The following TANC1 variants were observed in gnomAD, a reference collection of about 807,000 sequenced individuals.
The protein encoded by TANC1 is tetratricopeptide repeat, ankyrin repeat and coiled-coil containing 1.
In TANC1, 77 loss-of-function variants were observed where a neutral mutation model predicts 149.7. The observed-to-expected ratio is 0.51, with a 90% CI of 0.43 to 0.62. The LOEUF is 0.62. Ranked by LOEUF, TANC1 falls within the 20% of genes least tolerant of loss-of-function variation. The pLI, the probability that TANC1 is intolerant of heterozygous loss-of-function variation, is 0.00. For synonymous variants in TANC1, 854 were observed against 925.0 expected (o/e 0.92, Z 1.39); for missense variants, 1,985 against 2,321.8 (o/e 0.85, Z 2.98).
rs1185378455 is a variant in TANC1, at chr2:159,227,971, C to T, written c.4050+6C>T. ...GATGCCGAAGAAAAACAAATGTAAG[C>T]TGTGCCCCTTTATTCCAACCCAGTC... On this transcript the variant is annotated splice_donor_region_variant and intron_variant, in intron 25 of 26. Coordinates refer to ENST00000263635, the MANE Select transcript of TANC1 (RefSeq NM_033394.3). The T allele has an allele frequency of 6.8e-6, 11 of 1,610,802 alleles. No individual in the cohort carries two copies. Among genetic ancestry groups the T allele is most frequent in the Non-Finnish European group, 7.6e-6 (9 of 1,179,166 alleles).
chr2:159,229,986 G>T lies in TANC1; in HGVS notation c.4560G>T (p.Gln1520His). The T allele has an allele frequency of 1.9e-6, 3 of 1,614,070 alleles. No homozygotes were observed. The highest frequency in any genetic ancestry group is 2.5e-6 in the Non-Finnish European group (3 of 1,180,046). ...IGKSLREPVA[Q>H]PGLLLQPSKQ... is the part of the protein sequence containing the mutation. The stretch of plus-strand genomic sequence containing the variant: ...AGTCCCTGAGAGAGCCTGTGGCCCA[G>T]CCAGGGCTGCTCCTGCAGCCCTCCA... Residue 1520 changes from glutamine to histidine, a missense_variant, in exon 27 of 27, where the codon CAG (glutamine) becomes CAT (histidine). By Grantham distance (24) the Gln-to-His change is conservative. Around this residue, in one of 3 missense-constraint regions of TANC1, gnomAD observed 920 missense variants for 994.7 expected, o/e 0.92. Coordinates refer to ENST00000263635, the MANE Select transcript of TANC1 (RefSeq NM_033394.3).
chr2:159,118,695 G>A (rs1208799497), intron 4 of TANC1, among the ~76,000 whole-genome samples: 1 of 152,178 alleles, frequency 6.6e-6, no homozygotes, highest in African/African-American at 2.4e-5. Flanking sequence ...AAGGACACAA[G>A]CAAATGTAGC....
chr2:159,145,654 T>A (rs1450282660), intron 5 of TANC1, among the ~76,000 whole-genome samples: 1 of 152,176 alleles, frequency 6.6e-6, no homozygotes, highest in Non-Finnish European at 1.5e-5. Context: ...TGTGCCCCCA[T>A]ATGTGGTCCA....
At chr2:158,984,548 A>C (rs2034791003) in intron 1 of TANC1, among the ~76,000 whole-genome samples, 1 of 152,144 alleles carries the variant, frequency 6.6e-6, no homozygotes, top group South Asian at 2.1e-4. Context: ...TCATTTTTCC[A>C]AAAAATGTTT....
At chr2:159,130,217 A>G (rs1016058345) in intron 4 of TANC1, among the ~76,000 whole-genome samples, 2 of 152,246 alleles carry the variant, frequency 1.3e-5, no homozygotes, top group Admixed American at 6.5e-5. Context: ...GCGTTAAAAC[A>G]TACCCAGTAG....
intron 16 of TANC1, among the ~76,000 whole-genome samples, chr2:159,192,850 C>G (rs957835571): frequency 6.6e-5 from 10 of 152,102 alleles, no homozygotes; most frequent in African/African-American, 2.2e-4. Flanking sequence ...GGTTTTCACC[C>G]TGTTCTTCAG....
At chr2:159,070,885 T>C (rs1287606292) in intron 3 of TANC1, among the ~76,000 whole-genome samples, 2 of 152,226 alleles carry the variant, frequency 1.3e-5, no homozygotes, top group Non-Finnish European at 2.9e-5. Flanking sequence ...TACTACCACA[T>C]AGCGAGTAAA....
rs138006157 is a variant in TANC1 at position 159,107,018 on chromosome 2, T to TTTTG, written c.259+9204_259+9207dup. Among the ~76,000 whole-genome samples, 14 of 152,028 alleles carry TTTTG rather than the reference T, an allele frequency of 9.2e-5. No homozygotes were observed. The East Asian group carries it at 1.2e-3, about 13-fold the overall frequency. On this transcript the variant is annotated intron_variant, in intron 4 of 26. Transcript: ENST00000263635. ...TGATTTTATTGGTGGCTTTTTTGTT[T>TTTTG]TTTGTTTGTTTGTTTGTTTGTTTTT...
intron 10 of TANC1, 26 bp from the exon 11 acceptor site, chr2:159,172,095 A>T (rs367808181): frequency 6.3e-5 from 102 of 1,610,112 alleles, no homozygotes; most frequent in Non-Finnish European, 8.6e-5. Context: ...TGTGATGTAC[A>T]TAATGAAATG....
chr2:159,082,647 G>A (rs1173059512), intron 3 of TANC1, among the ~76,000 whole-genome samples: 2 of 152,194 alleles, frequency 1.3e-5, no homozygotes, highest in Admixed American at 6.5e-5. Flanking sequence ...GCAGAGTGCT[G>A]TAGGGACCGT....
chr2:159,104,652 G>A (rs1323262597), intron 4 of TANC1, among the ~76,000 whole-genome samples: 1 of 93,418 alleles, frequency 1.1e-5, no homozygotes, highest in Non-Finnish European at 2.9e-5. Flanking sequence ...GGGCTCAAGC[G>A]ATCCTTCCAC....
At chr2:159,192,559 A>T (rs1244358813) in intron 16 of TANC1, among the ~76,000 whole-genome samples, 1 of 152,238 alleles carries the variant, frequency 6.6e-6, no homozygotes, top group African/African-American at 2.4e-5. Flanking sequence ...TCAACGAGGA[A>T]CTTATTAAAA....
intron 4 of TANC1, among the ~76,000 whole-genome samples, chr2:159,105,843 T>G (rs535362734): frequency 6.6e-6 from 1 of 152,360 alleles, no homozygotes; most frequent in East Asian, 1.9e-4. Context: ...ATATTCTTAA[T>G]GGCCATTGGT....
At chr2:158,980,909 A>G (rs2034235220) in intron 1 of TANC1, among the ~76,000 whole-genome samples, 1 of 152,114 alleles carries the variant, frequency 6.6e-6, no homozygotes, top group South Asian at 2.1e-4. Context: ...TTTTAAATGT[A>G]GAAAAATAAT....
intron 2 of TANC1, 45 bp from the exon 3 acceptor site, chr2:159,065,851 C>G: frequency 6.6e-7 from 1 of 1,517,988 alleles, no homozygotes. Context: ...TATATTCCAA[C>G]TTTCAATGTT....
At chr2:159,126,026 C>A (rs959181830) in intron 4 of TANC1, among the ~76,000 whole-genome samples, 9 of 152,160 alleles carry the variant, frequency 5.9e-5, no homozygotes, top group Non-Finnish European at 8.8e-5. Flanking sequence ...AGTGTCTGAC[C>A]CTTCCTCCTG....
chr2:159,187,813 A>C (rs2057123853), intron 16 of TANC1, among the ~76,000 whole-genome samples: 1 of 152,226 alleles, frequency 6.6e-6, no homozygotes, highest in African/African-American at 2.4e-5. Flanking sequence ...ATAACTAATA[A>C]AATTCTATAA....
intron 7 of TANC1, among the ~76,000 whole-genome samples, chr2:159,159,743 A>T (rs1473962726): frequency 1.1e-4 from 17 of 151,194 alleles, no homozygotes; most frequent in African/African-American, 2.4e-4. Context: ...AGAGAGAGAG[A>T]GAGAGAGAGA....
chr2:159,119,206 C>T (rs537663759), intron 4 of TANC1, among the ~76,000 whole-genome samples: 5 of 152,120 alleles, frequency 3.3e-5, no homozygotes, highest in Non-Finnish European at 7.4e-5. Context: ...GAGGTTTGAG[C>T]CTATGTAGGA....
Sources: gnomAD v4.1 joint callset for allele counts (sites outside exome capture counted in the v4.1 genomes callset) on GRCh38, gnomAD v4.1.1 for gene constraint, gnomAD v4.1.1 regional missense constraint, MANE v1.5 for transcripts, NCBI Gene and HGNC (gene_info 2026-07-23, HGNC 2026-07-21) for gene names.